Variants in PRDM5 observed in about 807,000 individuals in gnomAD.
PRDM5 encodes PR/SET domain 5.
PRDM5 carries 56 observed loss-of-function variants against 81.2 expected under a neutral mutation model. That is an observed-to-expected ratio of 0.69 (90% confidence interval 0.56 to 0.86). The LOEUF (loss-of-function observed/expected upper bound fraction) is 0.86. Ranked by LOEUF, PRDM5 falls within the 40% of genes least tolerant of loss-of-function variation. The pLI is 0.00. For missense variants in PRDM5, 697 were observed against 770.1 expected, an observed-to-expected ratio of 0.91 and a Z score of 1.12; for synonymous variants, 267 against 256.4, an observed-to-expected ratio of 1.04 and a Z score of -0.39.
At chr4:120,687,269 C>T (rs1184497913), downstream of PRDM5, among the ~76,000 whole-genome samples, 6 of 151,910 alleles carry the variant, frequency 3.9e-5, no homozygotes, top group Non-Finnish European at 8.8e-5. Context: ...AAACTGAAAC[C>T]CTATACCCAT....
In PRDM5 at chr4:120,781,528, C is replaced by T. The variant is rs531432356; in HGVS notation, c.1283-225G>A. ...ATCTTCAGTCTTCTCAACTGGAAAA[C>T]GTGGGGACTGAATTAGCAGAATTCT... On this transcript the variant is annotated intron_variant, in intron 11 of 15. Transcript: ENST00000264808. 2.6e-5 allele frequency among the ~76,000 whole-genome samples: 4 copies of T among 152,222 alleles called. No individual in the cohort carries two copies. The South Asian group carries it at 6.2e-4, about 24-fold the overall frequency.
chr4:120,736,587 C>T (rs1741163434), intron 14 of PRDM5, among the ~76,000 whole-genome samples: 1 of 152,170 alleles, frequency 6.6e-6, no homozygotes, highest in African/African-American at 2.4e-5. Context: ...TATCATCTGC[C>T]CTCTGTGCAT....
intron 12 of PRDM5, among the ~76,000 whole-genome samples, chr4:120,778,742 G>C (rs1748564653): frequency 6.6e-6 from 1 of 151,918 alleles, no homozygotes; most frequent in South Asian, 2.1e-4. Context: ...AGCATCTCCT[G>C]GATTTTGTAT....
chr4:120,882,976 T>C (rs1763008275), intron 2 of PRDM5, among the ~76,000 whole-genome samples: 1 of 152,194 alleles, frequency 6.6e-6, no homozygotes, highest in Admixed American at 6.5e-5. Flanking sequence ...TAAATAAAGC[T>C]AAAATAAAGT....
chr4:120,715,371 G>A (rs1203320852), intron 14 of PRDM5, among the ~76,000 whole-genome samples: 2 of 152,122 alleles, frequency 1.3e-5, no homozygotes, highest in Non-Finnish European at 2.9e-5. Flanking sequence ...AACTATGTGT[G>A]TAATTTTAAA....
At chr4:120,734,037 T>C (rs1211710719) in intron 14 of PRDM5, among the ~76,000 whole-genome samples, 1 of 152,056 alleles carries the variant, frequency 6.6e-6, no homozygotes, top group African/African-American at 2.4e-5. Context: ...TCAAAAAGTA[T>C]TGAAGTGGAC....
At chr4:120,799,941 T>C (rs1751888872) in intron 8 of PRDM5, among the ~76,000 whole-genome samples, 196 bp from the exon 9 acceptor site, 1 of 152,200 alleles carries the variant, frequency 6.6e-6, no homozygotes, top group African/African-American at 2.4e-5. Flanking sequence ...GTAAAAAATA[T>C]CTTTTGAGAC....
chr4:120,685,526 T>C (rs1157419033), intron 1 of PRDM5, among the ~76,000 whole-genome samples: 2 of 152,162 alleles, frequency 1.3e-5, no homozygotes, highest in Non-Finnish European at 2.9e-5. Context: ...ATTTGGCTCA[T>C]GACTATTTTG....
chr4:120,854,295 T>C (rs556956981), intron 2 of PRDM5, among the ~76,000 whole-genome samples: 1 of 152,274 alleles, frequency 6.6e-6, no homozygotes, highest in African/African-American at 2.4e-5. Context: ...GCATTATCAG[T>C]TGCTAGGGAC....
At chr4:120,850,228 C>G (rs929995197) in intron 3 of PRDM5, among the ~76,000 whole-genome samples, 1 of 151,926 alleles carries the variant, frequency 6.6e-6, no homozygotes, top group Non-Finnish European at 1.5e-5. Context: ...ATATACAGCT[C>G]AAATAAAAAA....
intron 2 of PRDM5, among the ~76,000 whole-genome samples, chr4:120,876,737 A>G (rs1180786623): frequency 6.6e-6 from 1 of 152,196 alleles, no homozygotes; most frequent in Non-Finnish European, 1.5e-5. Flanking sequence ...AAATATAAGG[A>G]TTCTATTTAC....
chr4:120,851,907 A>G (rs1209670995), intron 3 of PRDM5, among the ~76,000 whole-genome samples: 1 of 152,136 alleles, frequency 6.6e-6, no homozygotes, highest in Non-Finnish European at 1.5e-5. Flanking sequence ...AATACTGTTC[A>G]TGTCTTATTC....
intron 14 of PRDM5, among the ~76,000 whole-genome samples, chr4:120,740,761 G>A (rs897496109): frequency 6.6e-6 from 1 of 152,164 alleles, no homozygotes; most frequent in Non-Finnish European, 1.5e-5. Flanking sequence ...AATTCTTGCT[G>A]GAGAATGATT....
chr4:120,878,042 T>C (rs985733342), intron 2 of PRDM5, among the ~76,000 whole-genome samples: 3 of 152,220 alleles, frequency 2.0e-5, no homozygotes, highest in African/African-American at 7.2e-5. Flanking sequence ...CTCAAACAGA[T>C]ATTATACGTC....
intron 2 of PRDM5, among the ~76,000 whole-genome samples, chr4:120,886,097 T>C (rs1763409256): frequency 6.6e-6 from 1 of 152,296 alleles, no homozygotes; most frequent in East Asian, 1.9e-4. Flanking sequence ...AGAGGACTAA[T>C]GTCAGGAAGA....
chr4:120,887,758 C>A (rs1026832925), intron 2 of PRDM5, among the ~76,000 whole-genome samples: 1 of 151,790 alleles, frequency 6.6e-6, no homozygotes, highest in African/African-American at 2.4e-5. Context: ...CCAGCTAAAG[C>A]AGAAACCCAC....
chr4:120,837,844 T>C (rs1048923955), intron 3 of PRDM5: 2 of 152,078 alleles, frequency 1.3e-5, no homozygotes, highest in Non-Finnish European at 2.9e-5. Context: ...AAAACAGACA[T>C]GTGTAAACCA....
At chr4:120,869,980 C>T (rs1325371583) in intron 2 of PRDM5, among the ~76,000 whole-genome samples, 1 of 141,564 alleles carries the variant, frequency 7.1e-6, no homozygotes, top group African/African-American at 2.6e-5. Context: ...CAAAAAAGAA[C>T]AAAGAAAAAA....
At chr4:120,847,129 G>A (rs1434395264) in intron 3 of PRDM5, among the ~76,000 whole-genome samples, 3 of 152,004 alleles carry the variant, frequency 2.0e-5, no homozygotes, top group Non-Finnish European at 4.4e-5. Flanking sequence ...ACTGATCACT[G>A]CTGTAGCTTG....
Sources: gnomAD v4.1 joint callset for allele counts (sites outside exome capture counted in the v4.1 genomes callset) on GRCh38, gnomAD v4.1.1 for gene constraint, MANE v1.5 for transcripts, NCBI Gene and HGNC (gene_info 2026-07-23, HGNC 2026-07-21) for gene names.